The following PCDHA2 variants were observed in gnomAD, a reference collection of about 807,000 sequenced individuals.
The protein encoded by PCDHA2 is protocadherin alpha-2.
PCDHA2 carries 58 observed loss-of-function variants against 66.0 expected under a neutral mutation model. The observed-to-expected ratio is 0.88, with a 90% CI of 0.71 to 1.09. PCDHA2 has a LOEUF of 1.09. Among genes scored for constraint, PCDHA2 ranks in the 50% least tolerant of loss-of-function variants. PCDHA2 has a pLI of 0.00. For missense variants in PCDHA2, 1,267 were observed against 1,242.3 expected, an observed-to-expected ratio of 1.02 and a Z score of -0.30; for synonymous variants, 634 against 554.0, an observed-to-expected ratio of 1.14 and a Z score of -2.03.
intron 1 of PCDHA2, chr5:140,877,889 GT>G: frequency 6.9e-7 from 1 of 1,458,120 alleles, no homozygotes; most frequent in Non-Finnish European, 9.0e-7. Context: ...AAGAACTTCC[GT>G]TTAGGTTATA....
At position 140,795,656 on chromosome 5, in the gene PCDHA2, A is replaced by T; in HGVS notation, c.692A>T (p.Lys231Met). Residue 231 changes from lysine to methionine, a missense_variant, in exon 1 of 4, where the codon AAG becomes ATG. Transcript: ENST00000526136. ...ELTGTVQILI[K>M]VLDVNDNEPT... is the part of the protein sequence containing the mutation. ...ACGGGCACCGTTCAAATACTTATTA[A>T]GGTATTAGATGTAAATGACAATGAA... The T allele has an allele frequency of 6.2e-7, 1 of 1,614,148 alleles. No individual in the cohort carries two copies.
At chr5:140,848,250 C>A in intron 1 of PCDHA2, 1 of 460,454 alleles carries the variant, frequency 2.2e-6, no homozygotes, top group Non-Finnish European at 3.8e-6. Context: ...TGCAGAATAA[C>A]TGTGAAATTT....
Position 140,996,899 on chromosome 5 carries a change from C to T in PCDHA2, c.2537-12728C>T, listed in dbSNP as rs529654978. Among the ~76,000 whole-genome samples, 7 of 152,226 alleles carry T rather than the reference C, an allele frequency of 4.6e-5. No individual in the cohort carries two copies. The South Asian group carries it at 1.4e-3, about 32-fold the overall frequency. ...TGTATTTTTAAATAAAATAGAATTA[C>T]ATTGTTGAAGTAAATATTAAAAAAT... is the stretch of plus-strand genomic sequence containing the variant. On this transcript the variant is annotated intron_variant, in intron 3 of 3. Transcript: ENST00000526136.
chr5:140,884,582 T>G, intron 1 of PCDHA2: 1 of 1,614,172 alleles, frequency 6.2e-7, no homozygotes, highest in South Asian at 1.1e-5. Flanking sequence ...CCTCATGGCC[T>G]TCAGTCCCAG....
At chr5:140,926,538 G>T (rs155362) in intron 1 of PCDHA2, 176,859 of 210,462 alleles carry the variant, frequency 0.84, 75,003 homozygotes, top group African/African-American at 0.96. Context: ...CAGCCAGCGT[G>T]GTGGTCGAGA....
intron 1 of PCDHA2, chr5:140,854,514 T>G (rs1216926538): frequency 1.3e-5 from 2 of 149,996 alleles, no homozygotes; most frequent in Non-Finnish European, 3.0e-5. Flanking sequence ...AACTGATGGA[T>G]TAAGTGACAC....
At chr5:140,902,986 T>C (rs569244845) in intron 1 of PCDHA2, among the ~76,000 whole-genome samples, 1 of 152,346 alleles carries the variant, frequency 6.6e-6, no homozygotes, top group East Asian at 1.9e-4. Flanking sequence ...GTTGGTTCCA[T>C]ATTTTTGCAA....
chr5:140,956,710 CAGA>C (rs1554222572), intron 1 of PCDHA2, among the ~76,000 whole-genome samples: 1 of 152,144 alleles, frequency 6.6e-6, no homozygotes, highest in Non-Finnish European at 1.5e-5. Flanking sequence ...GGAATAGCTT[CAGA>C]AGAATTGGTA....
At chr5:140,975,084 T>C (rs1353727401) in intron 1 of PCDHA2, among the ~76,000 whole-genome samples, 1 of 152,140 alleles carries the variant, frequency 6.6e-6, no homozygotes, top group African/African-American at 2.4e-5. Context: ...GTTGGCAGAA[T>C]CCAGTTGTTT....
intron 1 of PCDHA2, chr5:140,878,055 C>T: frequency 2.2e-6 from 1 of 449,762 alleles, no homozygotes; most frequent in Non-Finnish European, 3.6e-6. Context: ...GAGCACCACA[C>T]TTAATATTTT....
intron 1 of PCDHA2, chr5:140,853,446 T>C: frequency 1.0e-6 from 1 of 980,482 alleles, no homozygotes; most frequent in Non-Finnish European, 1.2e-6. Context: ...TTTTGCCTAA[T>C]AGGTCTCCTT....
intron 1 of PCDHA2, chr5:140,867,631 G>A (rs1554161429): frequency 1.3e-5 from 2 of 151,978 alleles, no homozygotes; most frequent in African/African-American, 4.8e-5. Flanking sequence ...AAATATTTAA[G>A]CTAGAGTGAT....
At chr5:140,862,877 G>A (rs782429840) in intron 1 of PCDHA2, 3 of 567,440 alleles carry the variant, frequency 5.3e-6, no homozygotes, top group African/African-American at 3.8e-5. Context: ...CCAGGTATTA[G>A]TGCTGGAACG....
intron 1 of PCDHA2, chr5:140,969,215 C>A (rs782320507): frequency 6.2e-7 from 1 of 1,614,010 alleles, no homozygotes; most frequent in Admixed American, 1.7e-5. Context: ...CCAGACAGGA[C>A]CAGGGCCTTC....
chr5:140,803,136 C>A, intron 1 of PCDHA2: 1 of 1,613,876 alleles, frequency 6.2e-7, no homozygotes, highest in Non-Finnish European at 8.5e-7. Context: ...GCGCCATCGC[C>A]TACTGGTGCT....
intron 1 of PCDHA2, among the ~76,000 whole-genome samples, chr5:140,897,805 A>G (rs1216400632): frequency 6.6e-6 from 1 of 152,172 alleles, no homozygotes; most frequent in Non-Finnish European, 1.5e-5. Context: ...AGTCCCACCA[A>G]CAGTGTAAAA....
chr5:140,939,501 G>A (rs1270789150), intron 1 of PCDHA2, among the ~76,000 whole-genome samples: 1 of 150,708 alleles, frequency 6.6e-6, no homozygotes. Context: ...TAAATTCAAT[G>A]TCTATAACAT....
rs1458420006 is a variant in PCDHA2 at position 140,928,100 on chromosome 5, T to A, written c.2389-50849T>A. On this transcript the variant is annotated intron_variant, in intron 1 of 3. Transcript: ENST00000526136. Reference sequence around the variant, plus strand: ...TACAGCCTGCTGATTGATGGGCCCCTGGACCGGGAGCAGATCAGTGAATAC... The same window carrying A: ...TACAGCCTGCTGATTGATGGGCCCCAGGACCGGGAGCAGATCAGTGAATAC... 2.3e-5 allele frequency: 37 copies of A among 1,614,090 alleles called. No individual in the cohort carries two copies. Among genetic ancestry groups the A allele is most frequent in the Non-Finnish European group, 2.9e-5 (34 of 1,180,048 alleles).
rs201501759 is a variant in PCDHA2 at position 140,978,957 on chromosome 5, G to A, written c.2397G>A (p.Gln799=). The stretch of plus-strand genomic sequence containing the variant: ...TCTTTGTGATTTTGCAGCCACGACA[G>A]CCCAACCCTGACTGGCGTTACTCTG... ...SESEYVGKPR[Q]PNPDWRYSAS... is the part of the protein sequence containing the mutation. Residue 799 remains glutamine, a synonymous_variant, in exon 2 of 4, where the codon CAG becomes CAA. Coordinates refer to ENST00000526136, the MANE Select transcript of PCDHA2 (RefSeq NM_018905.3). 56 of 1,614,040 alleles carry A rather than the reference G, an allele frequency of 3.5e-5. No individual in the cohort carries two copies. In the East Asian group the frequency reaches 1.1e-3, roughly 32 times the overall value.
Sources: allele counts gnomAD v4.1 joint callset (sites outside exome capture counted in the v4.1 genomes callset), GRCh38; gene constraint gnomAD v4.1.1; transcripts MANE v1.5; gene names NCBI Gene and HGNC (gene_info 2026-07-23, HGNC 2026-07-21).